Variants in TLL2 observed in about 807,000 individuals in gnomAD.
TLL2 encodes tolloid like 2.
A neutral mutation model predicts 123.0 loss-of-function variants in TLL2; 106 were observed. That is an observed-to-expected ratio of 0.86 (90% confidence interval 0.74 to 1.01). The LOEUF (loss-of-function observed/expected upper bound fraction) is 1.01. Among genes scored for constraint, TLL2 ranks in the 50% least tolerant of loss-of-function variants. The pLI is 0.00. For synonymous variants in TLL2, 494 were observed against 516.8 expected, an observed-to-expected ratio of 0.96 and a Z score of 0.60; for missense variants, 1,332 against 1,336.7, an observed-to-expected ratio of 1.00 and a Z score of 0.06.
At chr10:96,425,045 A>G (rs1268279502) in intron 5 of TLL2, among the ~76,000 whole-genome samples, 1 of 151,596 alleles carries the variant, frequency 6.6e-6, no homozygotes, top group Admixed American at 6.6e-5. Context: ...AATTATCCCA[A>G]TATTCAAATA....
intron 2 of TLL2, among the ~76,000 whole-genome samples, chr10:96,459,158 G>A (rs1452316893): frequency 6.6e-6 from 1 of 152,150 alleles, no homozygotes; most frequent in East Asian, 1.9e-4. Context: ...CCCAAACGAA[G>A]TTATGGGTTT....
intron 1 of TLL2, among the ~76,000 whole-genome samples, chr10:96,492,952 C>CAT (rs1304249095): frequency 6.6e-6 from 1 of 152,172 alleles, no homozygotes; most frequent in Non-Finnish European, 1.5e-5. Flanking sequence ...ACACTCTATC[C>CAT]AGAGACAGGG....
chr10:96,456,514 C>G (rs1847017656), intron 2 of TLL2, among the ~76,000 whole-genome samples: 1 of 152,184 alleles, frequency 6.6e-6, no homozygotes, highest in South Asian at 2.1e-4. Flanking sequence ...TCCATTCCAC[C>G]AGGGAGCTGC....
At chr10:96,404,675 T>A (rs914283816) in intron 10 of TLL2, among the ~76,000 whole-genome samples, 2 of 152,180 alleles carry the variant, frequency 1.3e-5, no homozygotes, top group Non-Finnish European at 2.9e-5. Context: ...CTCCTTCATT[T>A]ACATGTTATC....
At position 96,366,429 on chromosome 10, in the gene TLL2, G is replaced by C. The variant is rs1846026590; in HGVS notation, c.*1659C>G. 1 of 152,590 alleles carries C rather than the reference G, an allele frequency of 6.6e-6. No individual in the cohort carries two copies. The highest frequency in any genetic ancestry group is 2.4e-5 in the African/African-American group (1 of 41,428). 9.5% of individuals were successfully genotyped at this position (152,590 alleles called of 1,614,324 possible). ...TGCATTGATTAAGGCTTTGACAGCT[G>C]ATCTTTTACATACATACATATATAC... On this transcript the variant is annotated 3_prime_UTR_variant, in exon 21 of 21. Coordinates refer to ENST00000357947, the MANE Select transcript of TLL2 (RefSeq NM_012465.4).
intron 13 of TLL2, among the ~76,000 whole-genome samples, chr10:96,390,977 A>C (rs1347206281): frequency 2.0e-5 from 3 of 152,236 alleles, no homozygotes; most frequent in Non-Finnish European, 4.4e-5. Flanking sequence ...AATAAATAAA[A>C]ATATCATTGA....
intron 1 of TLL2, among the ~76,000 whole-genome samples, chr10:96,502,708 A>G (rs1315767126): frequency 2.0e-5 from 3 of 152,124 alleles, no homozygotes; most frequent in Non-Finnish European, 2.9e-5. Flanking sequence ...GCGACCTGAA[A>G]AAGAGTTAAG....
At chr10:96,411,428 A>G (rs1846506526) in intron 8 of TLL2, among the ~76,000 whole-genome samples, 1 of 152,244 alleles carries the variant, frequency 6.6e-6, no homozygotes, top group Non-Finnish European at 1.5e-5. Context: ...AAAAAAATGC[A>G]GAGGCACAGG....
intron 2 of TLL2, among the ~76,000 whole-genome samples, chr10:96,469,205 G>A (rs1050946428): frequency 3.9e-5 from 6 of 152,202 alleles, no homozygotes; most frequent in Admixed American, 2.6e-4. Context: ...CTCAACACAC[G>A]AGAGTCTCAG....
At chr10:96,431,954 C>G (rs1242539716) in intron 4 of TLL2, among the ~76,000 whole-genome samples, 2 of 151,852 alleles carry the variant, frequency 1.3e-5, no homozygotes, top group African/African-American at 4.8e-5. Flanking sequence ...GGGGGCACGT[C>G]TTGGGATGGG....
At chr10:96,501,336 C>A (rs899856217) in intron 1 of TLL2, among the ~76,000 whole-genome samples, 3 of 152,122 alleles carry the variant, frequency 2.0e-5, no homozygotes, top group Non-Finnish European at 4.4e-5. Context: ...AGCTCCGGAC[C>A]CCTCCCACCC....
chr10:96,458,343 T>C (rs1847037347), intron 2 of TLL2, among the ~76,000 whole-genome samples: 2 of 152,000 alleles, frequency 1.3e-5, no homozygotes, highest in Non-Finnish European at 2.9e-5. Flanking sequence ...TCCCAGCACT[T>C]TGGGAAGCCG....
At chr10:96,369,315 C>T (rs955946184) in intron 20 of TLL2, among the ~76,000 whole-genome samples, 1 of 152,198 alleles carries the variant, frequency 6.6e-6, no homozygotes, top group African/African-American at 2.4e-5. Context: ...ATAATGAGAA[C>T]ATTGATAATG....
At chr10:96,436,976 G>A (rs1174710506) in intron 3 of TLL2, among the ~76,000 whole-genome samples, 3 of 151,950 alleles carry the variant, frequency 2.0e-5, no homozygotes, top group East Asian at 1.9e-4. Flanking sequence ...ATGCACCACC[G>A]CACCTGGCCT....
chr10:96,384,616 T>G lies in TLL2; in HGVS notation c.2165A>C (p.Lys722Thr). The part of the protein sequence containing the change: ...VEFKSDNTVS[K>T]RGFRAHFFSD... ...GAAGAAGTGGGCCCTGAAGCCGCGCTTGGAGACGGTGTTGTCGGACTTGAA... is the reference window on the plus strand; with the variant it reads ...GAAGAAGTGGGCCCTGAAGCCGCGCGTGGAGACGGTGTTGTCGGACTTGAA... The change falls in exon 16 of 21, where the codon AAG becomes ACG. Residue 722 changes from lysine (K) to threonine (T), a missense_variant. Transcript: ENST00000357947. 6.2e-7 allele frequency: 1 copy of G among 1,604,148 alleles called. No individual in the cohort carries two copies. The highest frequency in any genetic ancestry group is 8.5e-7 in the Non-Finnish European group (1 of 1,173,188).
At chr10:96,465,522 C>A (rs962579050) in intron 2 of TLL2, among the ~76,000 whole-genome samples, 4 of 152,262 alleles carry the variant, frequency 2.6e-5, no homozygotes, top group African/African-American at 9.6e-5. Flanking sequence ...AGAGACTGAA[C>A]CCTCAAGAAA....
chr10:96,413,260 G>A lies in TLL2; in HGVS notation c.980C>T (p.Thr327Ile), dbSNP rs764933841. 1.2e-6 allele frequency: 2 copies of A among 1,614,192 alleles called. No homozygotes were observed. Among genetic ancestry groups the A allele is most frequent in the Non-Finnish European group, 8.5e-7 (1 of 1,179,998 alleles). Residue 327 changes from threonine (T) to isoleucine (I), a missense_variant, in exon 8 of 21, where the codon ACC becomes ATC. By Grantham distance (89) the Thr-to-Ile change is moderately conservative. Coordinates refer to ENST00000357947, the MANE Select transcript of TLL2 (RefSeq NM_012465.4). ...ACTGAGCCGCACGCGCTGGCCAATGGTTGGCCTGACGCCATTGTCATCTTG... is the reference window on the plus strand; with the variant it reads ...ACTGAGCCGCACGCGCTGGCCAATGATTGGCCTGACGCCATTGTCATCTTG... ...PRQDDNGVRP[T>I]IGQRVRLSQG... is the part of the protein sequence containing the mutation.
intron 11 of TLL2, 26 bp downstream of exon 11, chr10:96,397,160 A>C (rs1846349927): frequency 6.3e-7 from 1 of 1,593,984 alleles, no homozygotes; most frequent in African/African-American, 1.3e-5. Context: ...GGGGCCACCG[A>C]GCAGCTGCTT....
chr10:96,406,793 C>T (rs1395273972), intron 9 of TLL2, among the ~76,000 whole-genome samples: 1 of 152,192 alleles, frequency 6.6e-6, no homozygotes, highest in East Asian at 1.9e-4. Flanking sequence ...CCAGCCTCCT[C>T]CACTGTAGGA....
Sources: gnomAD v4.1 joint callset for allele counts (sites outside exome capture counted in the v4.1 genomes callset) on GRCh38, gnomAD v4.1.1 for gene constraint, MANE v1.5 for transcripts, NCBI Gene and HGNC (gene_info 2026-07-23, HGNC 2026-07-21) for gene names.